The following HTR1D variants were observed in gnomAD, a reference collection of about 807,000 sequenced individuals.
HTR1D encodes the protein 5-HT-1D.
A neutral mutation model predicts 21.1 loss-of-function variants in HTR1D; 18 were observed. The ratio of observed to expected loss-of-function variants is 0.85; its 90% CI spans 0.59 to 1.27. The LOEUF is 1.27. HTR1D is among the 50% of genes most tolerant of loss of function. The probability of loss-of-function intolerance (pLI) is 0.00; values close to 1 mark genes in which losing one functional copy is unlikely to be tolerated. For synonymous variants in HTR1D, 196 were observed against 204.4 expected (o/e 0.96, Z 0.35); for missense variants, 456 against 481.4 (o/e 0.95, Z 0.49).
rs71020483 is a variant in HTR1D at position 23,199,415 on chromosome 1, C to CTT, written c.-782-4416_-782-4415dup. On this transcript the variant is annotated intron_variant, in intron 1 of 1. Transcript: ENST00000374619. ...ACAGGTGTGAGCCGCCATGTGTGGT[C>CTT]TTTTTTTTTTTTTTTTTTTTTTTTT... 1.5e-4 allele frequency among the ~76,000 whole-genome samples: 7 copies of CTT among 46,298 alleles called. 2 individuals carry two copies. Among genetic ancestry groups the CTT allele is most frequent in the East Asian group, 8.9e-4 (1 of 1,126 alleles). The allele number at this position is 46,298 out of a possible 152,430, so 30.4% of individuals were successfully genotyped here. A position where few individuals can be genotyped will look rare whatever the true frequency, so the allele number is the denominator to read the frequency against.
At chr1:23,196,625 T>C (rs1644689950) in intron 1 of HTR1D, among the ~76,000 whole-genome samples, 1 of 152,162 alleles carries the variant, frequency 6.6e-6, no homozygotes, top group Admixed American at 6.5e-5. Flanking sequence ...TTAAAGGATA[T>C]TATAACAATA....
intron 1 of HTR1D, among the ~76,000 whole-genome samples, chr1:23,206,414 C>T (rs1644731178): frequency 6.6e-6 from 1 of 152,174 alleles, no homozygotes; most frequent in African/African-American, 2.4e-5. Context: ...GGATTAAGCC[C>T]AGGCTTCACA....
intron 1 of HTR1D, among the ~76,000 whole-genome samples, chr1:23,206,571 G>C (rs1462152741): frequency 6.6e-6 from 1 of 152,108 alleles, no homozygotes; most frequent in African/African-American, 2.4e-5. Context: ...CCCAGGCTCC[G>C]GTGCTGTTTC....
chr1:23,201,642 C>G (rs897730689), intron 1 of HTR1D, among the ~76,000 whole-genome samples: 4 of 152,170 alleles, frequency 2.6e-5, no homozygotes, highest in Admixed American at 2.6e-4. Context: ...GCCTCGATCT[C>G]CCAGGTTCAA....
chr1:23,208,034 A>C (rs1408412933), intron 1 of HTR1D, among the ~76,000 whole-genome samples: 5 of 151,732 alleles, frequency 3.3e-5, no homozygotes, highest in African/African-American at 7.3e-5. Flanking sequence ...AAGTGCTGGG[A>C]TTATAGGCGT....
chr1:23,192,551 CAT>C lies in HTR1D; in HGVS notation c.*533_*534del, dbSNP rs1489496864. The stretch of plus-strand genomic sequence containing the variant: ...TTCCAACAAAGAGGAACTGTGAAAA[CAT>C]TATGTTGGCCAGGCACAGTGGCTCA... On this transcript the variant is annotated 3_prime_UTR_variant, in exon 2 of 2. Transcript: ENST00000374619. The C allele has an allele frequency of 4.6e-5, 7 of 152,686 alleles. 1 individual carries two copies. Among genetic ancestry groups the C allele is most frequent in the Non-Finnish European group, 1.0e-4 (7 of 68,170 alleles). 9.5% of individuals were successfully genotyped at this position (152,686 alleles called of 1,614,324 possible).
chr1:23,212,686 G>A (rs1262414761), intron 1 of HTR1D, among the ~76,000 whole-genome samples: 1 of 152,090 alleles, frequency 6.6e-6, no homozygotes, highest in Non-Finnish European at 1.5e-5. Context: ...AATAAAAAAA[G>A]AATACTGACA....
intron 1 of HTR1D, among the ~76,000 whole-genome samples, chr1:23,195,884 G>A (rs1291069565): frequency 1.3e-5 from 2 of 152,050 alleles, no homozygotes; most frequent in Non-Finnish European, 2.9e-5. Flanking sequence ...GCTAGAGTGC[G>A]GTGGCATGAC....
At position 23,193,028 on chromosome 1, in the gene HTR1D, G is replaced by T; in HGVS notation, c.*58C>A. The T allele has an allele frequency of 2.2e-6, 2 of 895,558 alleles. No individual in the cohort carries two copies. Among genetic ancestry groups the T allele is most frequent in the Non-Finnish European group, 3.1e-6 (2 of 644,202 alleles). 55.5% of individuals were successfully genotyped at this position (895,558 alleles called of 1,614,324 possible). On this transcript the variant is annotated 3_prime_UTR_variant, in exon 2 of 2. Coordinates refer to ENST00000374619, the MANE Select transcript of HTR1D (RefSeq NM_000864.5). ...TCAGAAAATAATTAAAAAAAAAAAA[G>T]ACAATCCCGATGAGGTTACAGGACA...
intron 1 of HTR1D, among the ~76,000 whole-genome samples, chr1:23,201,041 C>T (rs999244114): frequency 2.6e-5 from 4 of 152,180 alleles, no homozygotes; most frequent in Non-Finnish European, 4.4e-5. Context: ...GACAGACAGA[C>T]TTATGACCCA....
intron 1 of HTR1D, among the ~76,000 whole-genome samples, chr1:23,203,429 G>A (rs1644717516): frequency 1.3e-5 from 2 of 152,188 alleles, no homozygotes; most frequent in African/African-American, 4.8e-5. Flanking sequence ...GGAGGATGAA[G>A]TGAGATCACT....
At chr1:23,215,243 C>A (rs553147173) in intron 1 of HTR1D, among the ~76,000 whole-genome samples, 1 of 152,238 alleles carries the variant, frequency 6.6e-6, no homozygotes, top group South Asian at 2.1e-4. Flanking sequence ...ATGGCGACAC[C>A]CTGTCTCTAC....
intron 1 of HTR1D, among the ~76,000 whole-genome samples, chr1:23,211,048 A>T (rs1644751264): frequency 6.6e-6 from 1 of 152,194 alleles, no homozygotes; most frequent in Non-Finnish European, 1.5e-5. Flanking sequence ...GCTATTCATC[A>T]TCTGCTTTTT....
chr1:23,202,978 A>C (rs1034137291), intron 1 of HTR1D, among the ~76,000 whole-genome samples: 2 of 151,878 alleles, frequency 1.3e-5, no homozygotes, highest in Non-Finnish European at 2.9e-5. Flanking sequence ...GCAGTGGGGC[A>C]ATCTCGGCTC....
At position 23,193,233 on chromosome 1, in the gene HTR1D, G is replaced by A. The variant is rs1466457387; in HGVS notation, c.987C>T (p.Asp329=). Residue 329 remains aspartate, a synonymous_variant, in exon 2 of 2, where the codon GAC becomes GAT. Transcript: ENST00000374619. ...VVSLVLPICR[D]SCWIHPALFD... Reference sequence around the variant, plus strand: ...AGAGCGCCGGGTGGATCCAGCAGGAGTCCCGGCAGATGGGGAGGACCAGAG... The same window carrying A: ...AGAGCGCCGGGTGGATCCAGCAGGAATCCCGGCAGATGGGGAGGACCAGAG... 6.2e-7 allele frequency: 1 copy of A among 1,614,078 alleles called. No homozygotes were observed. Among genetic ancestry groups the A allele is most frequent in the Admixed American group, 1.7e-5 (1 of 59,992 alleles).
chr1:23,207,027 A>C (rs911494232), intron 1 of HTR1D, among the ~76,000 whole-genome samples: 1 of 152,090 alleles, frequency 6.6e-6, no homozygotes, highest in Non-Finnish European at 1.5e-5. Context: ...AGTTTCTCCA[A>C]CTTGAAAATG....
chr1:23,199,440 T>C (rs1644701807), intron 1 of HTR1D, among the ~76,000 whole-genome samples: 1 of 120,682 alleles, frequency 8.3e-6, no homozygotes, highest in Admixed American at 8.4e-5. Context: ...TTTTTTTTTT[T>C]TTTTTTTTTT....
At chr1:23,216,426 G>C (rs533617975) in intron 1 of HTR1D, among the ~76,000 whole-genome samples, 1 of 151,918 alleles carries the variant, frequency 6.6e-6, no homozygotes, top group South Asian at 2.1e-4. Context: ...GGGCTTTCCT[G>C]AGATCACACA....
At position 23,193,188 on chromosome 1, in the gene HTR1D, T is replaced by C; in HGVS notation, c.1032A>G (p.Leu344=). The C allele has an allele frequency of 4.3e-6, 7 of 1,613,982 alleles. No individual in the cohort carries two copies. Among genetic ancestry groups the C allele is most frequent in the Non-Finnish European group, 5.9e-6 (7 of 1,180,006 alleles). Residue 344 remains leucine (L), a synonymous_variant, in exon 2 of 2, where the codon CTA becomes CTG. Coordinates refer to ENST00000374619, the MANE Select transcript of HTR1D (RefSeq NM_000864.5). ...GATTGATGAGGGAGTTTAAATAGCC[T>C]AGCCAGGTGAAGAAGTCAAAGAGCG... ...HPALFDFFTW[L]GYLNSLINPI... is the part of the protein sequence containing the mutation.
Sources: gnomAD v4.1 joint callset for allele counts (sites outside exome capture counted in the v4.1 genomes callset) on GRCh38, gnomAD v4.1.1 for gene constraint, MANE v1.5 for transcripts, NCBI Gene and HGNC (gene_info 2026-07-23, HGNC 2026-07-21) for gene names.